The following KAT8 variants were observed in gnomAD, a reference collection of about 807,000 sequenced individuals.
KAT8 encodes the protein histone acetyltransferase KAT8.
In KAT8, 40 loss-of-function variants were observed where a neutral mutation model predicts 62.9. That is an observed-to-expected ratio of 0.64 (90% CI 0.49 to 0.83). The LOEUF is 0.83. Ranked by LOEUF, KAT8 falls within the 40% of genes least tolerant of loss-of-function variation. KAT8 has a pLI of 0.00. For missense variants in KAT8, 387 were observed against 614.8 expected (o/e 0.63, Z 3.92); for synonymous variants, 278 against 254.5 (o/e 1.09, Z -0.88).
chr16:31,123,485 A>G (rs931285860), intron 3 of KAT8, among the ~76,000 whole-genome samples: 1 of 151,962 alleles, frequency 6.6e-6, no homozygotes, highest in Non-Finnish European at 1.5e-5. Flanking sequence ...CTGGGATTAC[A>G]GGTGTGAGCC....
intron 1 of KAT8, chr16:31,118,425 G>GTGCC (rs1040321007): frequency 6.6e-6 from 1 of 152,334 alleles, no homozygotes; most frequent in Non-Finnish European, 1.5e-5. Context: ...AGAACACACT[G>GTGCC]TGCCCTCTGA....
chr16:31,118,959 C>G (rs1482073972), intron 1 of KAT8, among the ~76,000 whole-genome samples: 1 of 148,906 alleles, frequency 6.7e-6, no homozygotes, highest in Non-Finnish European at 1.5e-5. Flanking sequence ...TGACAGCTCA[C>G]TGAAGCCTAG....
In KAT8 at chr16:31,130,789, C is replaced by T; in HGVS notation, c.1201C>T (p.Gln401Ter). Residue 401 changes from glutamine (Q) to a stop codon, truncating the protein, a stop_gained, in exon 10 of 11, where the codon CAA becomes TAA. Transcript: ENST00000219797. LOFTEE classifies it high-confidence loss of function. ...ITQNDIISTL[Q>*]SLNMVKYWKG... ...CCAAAATGACATCATCAGTACCCTG[C>T]AATCCCTCAATATGGTCAAGTACTG... 1 of 1,614,172 alleles carries T rather than the reference C, an allele frequency of 6.2e-7. No individual in the cohort carries two copies. The highest frequency in any genetic ancestry group is 8.5e-7 in the Non-Finnish European group (1 of 1,180,022).
At chr16:31,128,921 A>T (rs2057552843) in intron 6 of KAT8, among the ~76,000 whole-genome samples, 1 of 152,192 alleles carries the variant, frequency 6.6e-6, no homozygotes, top group African/African-American at 2.4e-5. Context: ...CCTTTGCCTT[A>T]TCAGTCTGGG....
intron 3 of KAT8, chr16:31,122,445 T>C (rs1474879608): frequency 6.6e-6 from 1 of 152,152 alleles, no homozygotes; most frequent in African/African-American, 2.4e-5. Flanking sequence ...TACCCTAAAC[T>C]GGAAGAACTC....
chr16:31,128,368 C>T (rs981817852), intron 6 of KAT8, among the ~76,000 whole-genome samples: 2 of 152,072 alleles, frequency 1.3e-5, no homozygotes, highest in South Asian at 2.1e-4. Flanking sequence ...GGTAACATGA[C>T]GAAACTCCTC....
In KAT8 at chr16:31,120,391, G is replaced by A. The variant is rs567482927; in HGVS notation, c.339G>A (p.Lys113=). 1 of 1,614,132 alleles carries A rather than the reference G, an allele frequency of 6.2e-7. No individual in the cohort carries two copies. Among genetic ancestry groups the A allele is most frequent in the East Asian group, 2.2e-5 (1 of 44,882 alleles). The part of the protein sequence containing the change: ...WVDKNRLALT[K]TVKDAVQKNS... Reference sequence around the variant, plus strand: ...ACAAGAACCGGCTGGCGCTGACCAAGACAGTGAAGGATGCTGTACAGAAGA... The same window carrying A: ...ACAAGAACCGGCTGGCGCTGACCAAAACAGTGAAGGATGCTGTACAGAAGA... Residue 113 remains lysine, a synonymous_variant, in exon 3 of 11, where the codon AAG becomes AAA. Coordinates refer to ENST00000219797, the MANE Select transcript of KAT8 (RefSeq NM_032188.3).
Position 31,117,759 on chromosome 16 carries a change from G to A in KAT8, c.78G>A (p.Gly26=). The A allele has an allele frequency of 2.2e-6, 3 of 1,381,970 alleles. No individual in the cohort carries two copies. Among genetic ancestry groups the A allele is most frequent in the Non-Finnish European group, 2.8e-6 (3 of 1,059,068 alleles). 85.6% of individuals were successfully genotyped at this position (1,381,970 alleles called of 1,614,324 possible). A position where few individuals can be genotyped will look rare whatever the true frequency, so the allele number is the denominator to read the frequency against. The change falls in exon 1 of 11, where the codon GGG becomes GGA. Residue 26 remains glycine, a synonymous_variant. Coordinates refer to ENST00000219797, the MANE Select transcript of KAT8 (RefSeq NM_032188.3). ...GVAGEGEPGP[G]ENAAAEGTAP... is the part of the protein sequence containing the mutation. ...CGGGGGAGGGCGAGCCCGGGCCCGG[G>A]GAGAATGCGGCCGCTGAGGGGACCG... is the stretch of plus-strand genomic sequence containing the variant.
intron 1 of KAT8, 42 bp from the exon 2 acceptor site, chr16:31,120,144 C>G (rs1467422522): frequency 6.4e-7 from 1 of 1,558,774 alleles, no homozygotes; most frequent in Non-Finnish European, 8.9e-7. Flanking sequence ...CCTTTTGTTC[C>G]AGCCTTACCT....
At position 31,130,797 on chromosome 16, in the gene KAT8, C is replaced by G; in HGVS notation, c.1209C>G (p.Leu403=). Residue 403 remains leucine, a synonymous_variant, in exon 10 of 11, where the codon CTC becomes CTG. Coordinates refer to ENST00000219797, the MANE Select transcript of KAT8 (RefSeq NM_032188.3). ...QNDIISTLQS[L]NMVKYWKGQH... Reference sequence around the variant, plus strand: ...ACATCATCAGTACCCTGCAATCCCTCAATATGGTCAAGTACTGGAAGGGCC... The same window carrying G: ...ACATCATCAGTACCCTGCAATCCCTGAATATGGTCAAGTACTGGAAGGGCC... The G allele has an allele frequency of 6.2e-7, 1 of 1,614,120 alleles. No individual in the cohort carries two copies. Among genetic ancestry groups the G allele is most frequent in the Non-Finnish European group, 8.5e-7 (1 of 1,180,022 alleles).
rs1287327232 is a variant in KAT8, at chr16:31,127,203, G to C, written c.531G>C (p.Lys177Asn). 6.2e-7 allele frequency: 1 copy of C among 1,614,244 alleles called. No homozygotes were observed. The change falls in exon 5 of 11, where the codon AAG (lysine) becomes AAC (asparagine). Residue 177 changes from lysine to asparagine, a missense_variant. Lys to Asn is a moderately conservative substitution (Grantham distance 94). Transcript: ENST00000219797. ...CCTGCCTGCAGATCACCAAGGTGAA[G>C]TATGTGGACAAGATCCACATCGGGA... ...EKEHEAITKV[K>N]YVDKIHIGNY...
At chr16:31,118,344 C>T (rs537329562) in intron 1 of KAT8, 1 of 155,158 alleles carries the variant, frequency 6.4e-6, no homozygotes, top group African/African-American at 2.4e-5. Context: ...ACCCCAAACT[C>T]CTTAGGGTGG....
At chr16:31,127,403 A>G in intron 5 of KAT8, 50 bp downstream of exon 5, 3 of 1,601,666 alleles carry the variant, frequency 1.9e-6, no homozygotes, top group Non-Finnish European at 2.6e-6. Context: ...GGTGAGAGGC[A>G]GAGGCAGGCA....
chr16:31,120,797 CT>C (rs1439449532), intron 3 of KAT8: 7 of 358,184 alleles, frequency 2.0e-5, no homozygotes, highest in Middle Eastern at 7.4e-4. Context: ...GTAGCTGTGT[CT>C]TAGTAGAAAA....
intron 6 of KAT8, 25 bp from the exon 7 acceptor site, chr16:31,129,992 C>T: frequency 6.2e-7 from 1 of 1,613,430 alleles, no homozygotes; most frequent in Non-Finnish European, 8.5e-7. Context: ...CCCCCTGAGC[C>T]TGTCTCCCCC....
In KAT8 at chr16:31,131,221, C is replaced by T; in HGVS notation, c.1339C>T (p.Pro447Ser). 1 of 1,614,110 alleles carries T rather than the reference C, an allele frequency of 6.2e-7. No individual in the cohort carries two copies. Among genetic ancestry groups the T allele is most frequent in the Non-Finnish European group, 8.5e-7 (1 of 1,179,954 alleles). ...TVDSVCLKWA[P>S]PKHKQVKLSK... The stretch of plus-strand genomic sequence containing the variant: ...GGACTCCGTCTGCCTCAAGTGGGCA[C>T]CCCCCAAGCACAAGCAAGTCAAGCT... The change falls in exon 11 of 11, where the codon CCC (proline) becomes TCC (serine). Residue 447 changes from proline (P) to serine (S), a missense_variant. Pro to Ser is a moderately conservative substitution (Grantham distance 74). Around this residue, in one of 6 missense-constraint regions of KAT8, gnomAD observed 75 missense variants for 105.7 expected, o/e 0.71. Transcript: ENST00000219797.
At position 31,127,295 on chromosome 16, in the gene KAT8, G is replaced by A. The variant is rs1408526147; in HGVS notation, c.623G>A (p.Trp208Ter). ...PEDYGKQPKL[W>*]LCEYCLKYMK... ...GACTATGGGAAACAGCCCAAGCTCT[G>A]GCTCTGCGAGTACTGCCTCAAGTAC... The change falls in exon 5 of 11, where the codon TGG becomes TAG. Residue 208 changes from tryptophan to a stop codon, truncating the protein, a stop_gained. Transcript: ENST00000219797. LOFTEE classifies it high-confidence loss of function. 6.2e-7 allele frequency: 1 copy of A among 1,614,254 alleles called. No homozygotes were observed. The highest frequency in any genetic ancestry group is 8.5e-7 in the Non-Finnish European group (1 of 1,180,044).
At chr16:31,118,124 G>C in intron 1 of KAT8, 1 of 397,510 alleles carries the variant, frequency 2.5e-6, no homozygotes. Flanking sequence ...CCACCGCTCA[G>C]GCCTTCACCA....
intron 5 of KAT8, 26 bp from the exon 6 acceptor site, chr16:31,128,024 G>A (rs1198990553): frequency 1.1e-5 from 17 of 1,591,008 alleles, no homozygotes; most frequent in South Asian, 5.5e-5. Context: ...TATGGGCAGC[G>A]AACCTGTTCT....
Sources: allele counts gnomAD v4.1 joint callset (sites outside exome capture counted in the v4.1 genomes callset), GRCh38; gene constraint gnomAD v4.1.1; regional missense constraint gnomAD v4.1.1; transcripts MANE v1.5; gene names NCBI Gene and HGNC (gene_info 2026-07-23, HGNC 2026-07-21).